STAC: variants seen among roughly 807,000 people sequenced by gnomAD.
The protein encoded by STAC is SH3 and cysteine-rich domain-containing protein.
A neutral mutation model predicts 48.8 loss-of-function variants in STAC; 43 were observed. The ratio of observed to expected loss-of-function variants is 0.88; its 90% CI spans 0.69 to 1.14. The LOEUF is 1.14. STAC is among the 50% of genes most tolerant of loss of function. STAC has a pLI of 0.00. For synonymous variants in STAC, 193 were observed against 179.5 expected (o/e 1.07, Z -0.60); for missense variants, 497 against 504.0 (o/e 0.99, Z 0.13).
At chr3:36,493,301 TC>T in intron 6 of STAC, 72 bp downstream of exon 6, 1 of 1,415,406 alleles carries the variant, frequency 7.1e-7, no homozygotes, top group South Asian at 1.2e-5. Context: ...CAAGTTGATT[TC>T]CAGTCCCCTT....
intron 8 of STAC, among the ~76,000 whole-genome samples, chr3:36,523,200 A>T (rs1257074179): frequency 6.6e-6 from 1 of 152,180 alleles, no homozygotes; most frequent in Non-Finnish European, 1.5e-5. Flanking sequence ...TTGTTATTTT[A>T]TTCTAATTCT....
At chr3:36,400,025 G>A (rs980019807) in intron 1 of STAC, among the ~76,000 whole-genome samples, 28 of 152,342 alleles carry the variant, frequency 1.8e-4, no homozygotes, top group African/African-American at 5.5e-4. Context: ...TGCCCCGGTC[G>A]AAAGAGGTAC....
intron 1 of STAC, among the ~76,000 whole-genome samples, chr3:36,382,784 T>G (rs1295613774): frequency 6.6e-6 from 1 of 152,186 alleles, no homozygotes; most frequent in East Asian, 1.9e-4. Context: ...ATTCATTCTA[T>G]TCTAGGAAGG....
At chr3:36,542,854 T>C (rs1163581416) in intron 10 of STAC, among the ~76,000 whole-genome samples, 1 of 152,194 alleles carries the variant, frequency 6.6e-6, no homozygotes, top group Non-Finnish European at 1.5e-5. Context: ...CCGTCTGTCT[T>C]GTATTGCACT....
intron 1 of STAC, among the ~76,000 whole-genome samples, chr3:36,397,767 T>A (rs1188619082): frequency 6.6e-6 from 1 of 152,224 alleles, no homozygotes. Flanking sequence ...GCTCTTAGAA[T>A]TTCAAGGATT....
intron 2 of STAC, among the ~76,000 whole-genome samples, chr3:36,465,380 T>G (rs553477631): frequency 6.6e-6 from 1 of 152,326 alleles, no homozygotes; most frequent in African/African-American, 2.4e-5. Context: ...GAGGTATACA[T>G]TGTGAAGATT....
At chr3:36,442,211 G>C (rs539013633) in intron 1 of STAC, among the ~76,000 whole-genome samples, 1 of 152,170 alleles carries the variant, frequency 6.6e-6, no homozygotes, top group African/African-American at 2.4e-5. Flanking sequence ...AGAGTTTATG[G>C]AGCAAAAGTG....
intron 2 of STAC, among the ~76,000 whole-genome samples, chr3:36,468,122 C>T (rs1296710520): frequency 3.3e-5 from 5 of 152,056 alleles, no homozygotes; most frequent in African/African-American, 1.2e-4. Context: ...CATTCAGGAG[C>T]AGGTTATTTA....
chr3:36,543,790 T>G (rs1418280192), intron 10 of STAC, among the ~76,000 whole-genome samples: 2 of 152,208 alleles, frequency 1.3e-5, no homozygotes, highest in Non-Finnish European at 2.9e-5. Flanking sequence ...TGTAAGGCTC[T>G]TAGCTCTGGC....
At chr3:36,445,029 T>C (rs1696469664) in intron 2 of STAC, among the ~76,000 whole-genome samples, 1 of 152,218 alleles carries the variant, frequency 6.6e-6, no homozygotes, top group African/African-American at 2.4e-5. Flanking sequence ...CCACCAGGCC[T>C]TTTCAAGGCA....
At chr3:36,380,891 CG>C in intron 1 of STAC, 137 bp downstream of exon 1, 1 of 653,582 alleles carries the variant, frequency 1.5e-6, no homozygotes, top group Non-Finnish European at 2.6e-6. Context: ...AGGACTTGAA[CG>C]TCCGGTAGGA....
At chr3:36,461,179 T>C (rs56086007) in intron 2 of STAC, among the ~76,000 whole-genome samples, 20,694 of 152,236 alleles carry the variant, frequency 0.14, 1,602 homozygotes, top group African/African-American at 0.21. Flanking sequence ...AATCATTTTA[T>C]GAAGTTCCCC....
At chr3:36,445,992 T>G (rs1347595192) in intron 2 of STAC, among the ~76,000 whole-genome samples, 1 of 152,188 alleles carries the variant, frequency 6.6e-6, no homozygotes, top group Non-Finnish European at 1.5e-5. Context: ...GCCACACCCT[T>G]GCCATAAGAT....
intron 6 of STAC, 145 bp downstream of exon 6, chr3:36,493,374 G>A: frequency 4.4e-6 from 3 of 687,156 alleles, no homozygotes; most frequent in Non-Finnish European, 7.3e-6. Flanking sequence ...GAGAGAATGT[G>A]AGCATTGTTT....
At chr3:36,544,478 G>C (rs912828271) in intron 10 of STAC, among the ~76,000 whole-genome samples, 1 of 146,038 alleles carries the variant, frequency 6.8e-6, no homozygotes, top group African/African-American at 2.5e-5. Flanking sequence ...CCAGGTGTCT[G>C]CATTTATTTA....
At chr3:36,423,687 C>G (rs911984519) in intron 1 of STAC, among the ~76,000 whole-genome samples, 1 of 151,906 alleles carries the variant, frequency 6.6e-6, no homozygotes, top group African/African-American at 2.4e-5. Flanking sequence ...TTTTTTTGTA[C>G]TGTATTTTGT....
Position 36,528,966 on chromosome 3 carries a change from T to C in STAC, c.1091T>C (p.Ile364Thr), listed in dbSNP as rs916115105. The change falls in exon 10 of 11, where the codon ATA (isoleucine) becomes ACA (threonine). Residue 364 changes from isoleucine (I) to threonine (T), a missense_variant. Physicochemically the swap from Ile to Thr is moderately conservative, Grantham distance 89 (BLOSUM62 -1). Transcript: ENST00000273183. ...TFIGCKEQGQ[I>T]TLKENQICVS... ...ATTGGGTGTAAGGAACAGGGGCAGA[T>C]AACACTGAAAGAGAATCAGGTGAGT... The C allele has an allele frequency of 9.9e-6, 16 of 1,608,364 alleles. No individual in the cohort carries two copies. Among genetic ancestry groups the C allele is most frequent in the African/African-American group, 2.7e-5 (2 of 74,734 alleles).
chr3:36,441,507 T>C (rs186567255), intron 1 of STAC, among the ~76,000 whole-genome samples: 81 of 152,312 alleles, frequency 5.3e-4, no homozygotes, highest in Admixed American at 4.9e-3. Context: ...GTTGGACCCA[T>C]AGATTGACTC....
At chr3:36,413,077 G>A (rs1700233675) in intron 1 of STAC, among the ~76,000 whole-genome samples, 1 of 152,164 alleles carries the variant, frequency 6.6e-6, no homozygotes, top group Non-Finnish European at 1.5e-5. Flanking sequence ...CATTTGCTGA[G>A]GAGTGCTTTA....
Sources: allele counts gnomAD v4.1 joint callset (sites outside exome capture counted in the v4.1 genomes callset), GRCh38; gene constraint gnomAD v4.1.1; transcripts MANE v1.5; gene names NCBI Gene and HGNC (gene_info 2026-07-23, HGNC 2026-07-21).